The following PRPSAP2 variants were observed in gnomAD, a reference collection of about 807,000 sequenced individuals.
The protein encoded by PRPSAP2 is phosphoribosyl pyrophosphate synthetase associated protein 2.
In PRPSAP2, 24 loss-of-function variants were observed where a neutral mutation model predicts 40.6. The ratio of observed to expected loss-of-function variants is 0.59; its 90% CI spans 0.43 to 0.83. PRPSAP2 has a LOEUF of 0.83. Ranked by LOEUF, PRPSAP2 falls within the 40% of genes least tolerant of loss-of-function variation. The pLI, the probability that PRPSAP2 is intolerant of heterozygous loss-of-function variation, is 0.00. For missense variants in PRPSAP2, 292 were observed against 465.6 expected, an observed-to-expected ratio of 0.63 and a Z score of 3.43; for synonymous variants, 149 against 164.7, an observed-to-expected ratio of 0.90 and a Z score of 0.73.
At chr17:18,929,040 G>A (rs533582887) in intron 11 of PRPSAP2, 83 bp downstream of exon 11, 2 of 1,524,168 alleles carry the variant, frequency 1.3e-6, no homozygotes, top group South Asian at 2.6e-5. Context: ...GTCAGGACAA[G>A]ACTGAGATCT....
chr17:18,883,608 C>T (rs888099875), intron 7 of PRPSAP2, among the ~76,000 whole-genome samples: 4 of 151,940 alleles, frequency 2.6e-5, no homozygotes, highest in Admixed American at 1.3e-4. Context: ...AGGCTGATCT[C>T]GAACGCTGAC....
chr17:18,866,989 A>G (rs1448706250), intron 3 of PRPSAP2, among the ~76,000 whole-genome samples: 2 of 151,998 alleles, frequency 1.3e-5, no homozygotes, highest in African/African-American at 4.8e-5. Context: ...TGCAGCATGC[A>G]GGAGGAGTTC....
intron 5 of PRPSAP2, among the ~76,000 whole-genome samples, chr17:18,873,413 T>G (rs1398037110): frequency 6.6e-6 from 1 of 151,850 alleles, no homozygotes. Context: ...TCCATGTTGG[T>G]CAGGCTGGTC....
chr17:18,920,988 A>C (rs961828589), intron 9 of PRPSAP2, among the ~76,000 whole-genome samples: 1 of 151,856 alleles, frequency 6.6e-6, no homozygotes, highest in Admixed American at 6.6e-5. Flanking sequence ...GACAGGAAAC[A>C]GCAATTTCTT....
intron 9 of PRPSAP2, among the ~76,000 whole-genome samples, chr17:18,915,623 T>C (rs937360466): frequency 1.3e-5 from 2 of 152,100 alleles, no homozygotes; most frequent in African/African-American, 4.8e-5. Context: ...AGAAATCACA[T>C]GGCAAGAGAG....
rs775079199 is a variant in PRPSAP2 at position 18,885,403 on chromosome 17, CAA to C, written c.528+2745_528+2746del. 9.2e-3 allele frequency among the ~76,000 whole-genome samples: 101 copies of C among 10,988 alleles called. 2 individuals are homozygous for C. Among genetic ancestry groups the C allele is most frequent in the African/African-American group, 0.019 (87 of 4,552 alleles). 7.2% of individuals were successfully genotyped at this position (10,988 alleles called of 152,430 possible). On this transcript the variant is annotated intron_variant, in intron 7 of 11. Transcript: ENST00000268835. ...GGCGACAGAGTGAGATTCCTTCTCA[CAA>C]AAAAAAAAAAAAAAAAAAAAAAAAT...
In PRPSAP2 at chr17:18,877,865, A is replaced by G. The variant is rs1158666488; in HGVS notation, c.407A>G (p.Lys136Arg). 10 of 1,596,452 alleles carry G rather than the reference A, an allele frequency of 6.3e-6. No individual in the cohort carries two copies. In the Admixed American group the frequency reaches 1.1e-4, roughly 17 times the overall value. ...VSKLLASMMC[K>R]AGLTHLITMD... The stretch of plus-strand genomic sequence containing the variant: ...AAATTGCTGGCTTCCATGATGTGCA[A>G]AGCTGGTAAGAATGGCAGATGTTTC... Residue 136 changes from lysine to arginine, a missense_variant, in exon 6 of 12, where the codon AAA (lysine) becomes AGA (arginine). Lys to Arg is a conservative substitution (Grantham distance 26, BLOSUM62 2). Coordinates refer to ENST00000268835, the MANE Select transcript of PRPSAP2 (RefSeq NM_002767.4).
At chr17:18,897,721 C>T (rs2040000471) in intron 8 of PRPSAP2, among the ~76,000 whole-genome samples, 1 of 152,156 alleles carries the variant, frequency 6.6e-6, no homozygotes, top group South Asian at 2.1e-4. Context: ...CCTTGGCCTC[C>T]CAAAATGCTG....
At chr17:18,867,896 G>A (rs906613405) in intron 4 of PRPSAP2, among the ~76,000 whole-genome samples, 2 of 152,166 alleles carry the variant, frequency 1.3e-5, no homozygotes, top group African/African-American at 4.8e-5. Context: ...CAGCACTTTG[G>A]GAGGCTGAGG....
intron 8 of PRPSAP2, among the ~76,000 whole-genome samples, chr17:18,902,948 G>T (rs999242712): frequency 6.6e-6 from 1 of 151,094 alleles, no homozygotes; most frequent in Admixed American, 6.6e-5. Flanking sequence ...TTTGAGTGCT[G>T]CTGTGCCAGC....
At chr17:18,895,409 T>A (rs2039855036) in intron 8 of PRPSAP2, among the ~76,000 whole-genome samples, 1 of 151,904 alleles carries the variant, frequency 6.6e-6, no homozygotes, top group South Asian at 2.1e-4. Flanking sequence ...CCTAAATAAA[T>A]ATTTCATTTC....
At chr17:18,858,514 T>G (rs8068683) in intron 1 of PRPSAP2, 81,041 of 152,172 alleles carry the variant, frequency 0.53, 21,852 homozygotes, top group Middle Eastern at 0.6. Flanking sequence ...GGCTCTCTCC[T>G]CTCCCTGAGG....
At chr17:18,900,015 G>A (rs1260352923) in intron 8 of PRPSAP2, among the ~76,000 whole-genome samples, 1 of 152,030 alleles carries the variant, frequency 6.6e-6, no homozygotes, top group East Asian at 1.9e-4. Context: ...GCCTCCTGAG[G>A]AGCTGGGATT....
At chr17:18,900,963 G>A (rs181031543) in intron 8 of PRPSAP2, among the ~76,000 whole-genome samples, 4 of 152,194 alleles carry the variant, frequency 2.6e-5, no homozygotes, top group African/African-American at 9.6e-5. Context: ...CTGAGTGAGG[G>A]TGAAAGTCCC....
chr17:18,879,345 C>T (rs754374328), intron 6 of PRPSAP2, among the ~76,000 whole-genome samples: 7 of 152,060 alleles, frequency 4.6e-5, no homozygotes, highest in Admixed American at 6.6e-5. Flanking sequence ...AGTGCAATGA[C>T]GTGATCTTGG....
chr17:18,894,410 C>T (rs771904023), intron 8 of PRPSAP2, among the ~76,000 whole-genome samples: 5 of 151,614 alleles, frequency 3.3e-5, no homozygotes, highest in African/African-American at 4.9e-5. Flanking sequence ...CTGCCTGCCT[C>T]GGCATCCCAA....
chr17:18,909,613 T>C (rs959079513), intron 8 of PRPSAP2, among the ~76,000 whole-genome samples: 2 of 152,018 alleles, frequency 1.3e-5, no homozygotes, highest in African/African-American at 4.8e-5. Flanking sequence ...TCTTAGGAAT[T>C]TATCAGGAGA....
intron 10 of PRPSAP2, among the ~76,000 whole-genome samples, chr17:18,925,570 T>C (rs1745838505): frequency 6.6e-6 from 1 of 152,236 alleles, no homozygotes. Flanking sequence ...GTATAACTGC[T>C]ACACAACTGA....
At position 18,915,268 on chromosome 17, in the gene PRPSAP2, C is replaced by T. The variant is rs188781483; in HGVS notation, c.733+4017C>T. On this transcript the variant is annotated intron_variant, in intron 9 of 11. Transcript: ENST00000268835. ...TTGAACTCTTGGGCTCAAAGCGATC[C>T]TTCCACCTCAGCCTCCCAAAGTGCT... Among the ~76,000 whole-genome samples, 266 of 152,200 alleles carry T rather than the reference C, an allele frequency of 1.7e-3. 2 individuals are homozygous for T. Among genetic ancestry groups the T allele is most frequent in the Non-Finnish European group, 2.8e-3 (188 of 68,008 alleles).
Sources: allele counts gnomAD v4.1 joint callset (sites outside exome capture counted in the v4.1 genomes callset), GRCh38; gene constraint gnomAD v4.1.1; transcripts MANE v1.5; gene names NCBI Gene and HGNC (gene_info 2026-07-23, HGNC 2026-07-21).